Variants in HYDIN observed in about 807,000 individuals in gnomAD.
The protein encoded by HYDIN is HYDIN axonemal central pair apparatus protein.
In HYDIN, 132 loss-of-function variants were observed where a neutral mutation model predicts 403.9. That is an observed-to-expected ratio of 0.33 (90% confidence interval 0.28 to 0.38). The LOEUF (loss-of-function observed/expected upper bound fraction) is 0.38. Among genes scored for constraint, HYDIN ranks in the 10% least tolerant of loss-of-function variants. HYDIN has a pLI of 1.00. For missense variants in HYDIN, 2,827 were observed against 5,009.5 expected, an observed-to-expected ratio of 0.56 and a Z score of 13.15; for synonymous variants, 1,202 against 1,891.7, an observed-to-expected ratio of 0.64 and a Z score of 9.46.
At chr16:71,168,173 GTTGGGCGTGGTGGCAGGT>G (rs2086311861) in intron 5 of HYDIN, among the ~76,000 whole-genome samples, 1 of 149,194 alleles carries the variant, frequency 6.7e-6, no homozygotes, top group African/African-American at 2.4e-5. Flanking sequence ...CAAAAAATTA[GTTGGGCGTGGTGGCAGGT>G]GCCTATAATG....
intron 23 of HYDIN, among the ~76,000 whole-genome samples, chr16:71,007,373 TAG>T (rs1052881474): frequency 6.6e-6 from 1 of 152,118 alleles, no homozygotes; most frequent in African/African-American, 2.4e-5. Flanking sequence ...AATATTCAGG[TAG>T]AGTGTTCAGA....
At chr16:70,882,079 A>G (rs1299495421) in intron 60 of HYDIN, among the ~76,000 whole-genome samples, 2 of 152,240 alleles carry the variant, frequency 1.3e-5, no homozygotes, top group African/African-American at 4.8e-5. Flanking sequence ...GCTTGGCTTT[A>G]AGCCCAGCCC....
At chr16:70,894,307 T>G (rs1356472006) in intron 55 of HYDIN, 142 bp downstream of exon 55, 7 of 921,496 alleles carry the variant, frequency 7.6e-6, no homozygotes, top group Non-Finnish European at 1.1e-5. Context: ...CTGATAAGTT[T>G]CCCAGACACG....
At chr16:71,184,478 A>T (rs563326287) in intron 3 of HYDIN, among the ~76,000 whole-genome samples, 1 of 152,248 alleles carries the variant, frequency 6.6e-6, no homozygotes, top group African/African-American at 2.4e-5. Context: ...TGCCTACTTT[A>T]ATTAACAATT....
intron 23 of HYDIN, among the ~76,000 whole-genome samples, chr16:70,992,483 T>C (rs1426029512): frequency 6.9e-6 from 1 of 144,546 alleles, no homozygotes; most frequent in Non-Finnish European, 1.5e-5. Flanking sequence ...TTCACACTTA[T>C]TTTTACCATC....
chr16:70,966,821 G>T (rs1021167160), intron 36 of HYDIN, among the ~76,000 whole-genome samples: 11 of 151,954 alleles, frequency 7.2e-5, no homozygotes, highest in Admixed American at 3.9e-4. Flanking sequence ...ACCCAGAAGT[G>T]ATTGGAGAAG....
intron 30 of HYDIN, 28 bp downstream of exon 30, chr16:70,978,886 C>T (rs2656785): frequency 7.6e-6 from 12 of 1,587,660 alleles, no homozygotes; most frequent in African/African-American, 4.1e-5. Flanking sequence ...CCTGCACAGG[C>T]GTCCCGTGCA....
chr16:70,826,330 T>C (rs1435717711), intron 83 of HYDIN, among the ~76,000 whole-genome samples: 1 of 150,728 alleles, frequency 6.6e-6, no homozygotes, highest in Non-Finnish European at 1.5e-5. Flanking sequence ...ATCTCCATTA[T>C]AAAGTCCATC....
At chr16:70,981,348 T>A in intron 29 of HYDIN, 43 bp downstream of exon 29, 1 of 1,558,604 alleles carries the variant, frequency 6.4e-7, no homozygotes, top group South Asian at 1.2e-5. Flanking sequence ...CTAAAATGCT[T>A]GTTTTGTCCC....
In HYDIN at chr16:70,807,811, G is replaced by T; in HGVS notation, c.15135C>A (p.Val5045=). 1 of 1,614,210 alleles carries T rather than the reference G, an allele frequency of 6.2e-7. No homozygotes were observed. The highest frequency in any genetic ancestry group is 8.5e-7 in the Non-Finnish European group (1 of 1,180,042). ...GYSIIIPFKN[V]FYHMVTFSII... ...TGGAGAAGGTCACCATGTGATAGAA[G>T]ACATTCTTGAAGGGGATGATTATGC... The change falls in exon 86 of 86, where the codon GTC becomes GTA. Residue 5045 remains valine (V), a synonymous_variant. Transcript: ENST00000393567.
At chr16:70,982,073 A>G (rs1236322063) in intron 28 of HYDIN, among the ~76,000 whole-genome samples, 3 of 149,720 alleles carry the variant, frequency 2.0e-5, no homozygotes, top group African/African-American at 7.4e-5. Flanking sequence ...GCTTGCAGTG[A>G]GCCGAGATCG....
intron 11 of HYDIN, among the ~76,000 whole-genome samples, chr16:71,093,275 C>A (rs1258761149): frequency 1.3e-5 from 2 of 152,164 alleles, no homozygotes; most frequent in Non-Finnish European, 2.9e-5. Flanking sequence ...ATAACTCATG[C>A]ATACATCCTG....
At chr16:70,883,128 A>G (rs1287029674) in intron 59 of HYDIN, among the ~76,000 whole-genome samples, 1 of 152,168 alleles carries the variant, frequency 6.6e-6, no homozygotes, top group Admixed American at 6.5e-5. Context: ...GTAAGATCCA[A>G]GATCTGGGGT....
At chr16:70,874,737 C>A in intron 63 of HYDIN, 80 bp downstream of exon 63, 1 of 1,482,328 alleles carries the variant, frequency 6.7e-7, no homozygotes, top group Middle Eastern at 1.8e-4. Flanking sequence ...GCATTCCCCT[C>A]TGGCTGGGCC....
chr16:70,892,785 T>C (rs2041551213), intron 55 of HYDIN, among the ~76,000 whole-genome samples: 1 of 152,240 alleles, frequency 6.6e-6, no homozygotes, highest in African/African-American at 2.4e-5. Context: ...AGGAGATCTC[T>C]GTCCAACAGG....
rs2035054628 is a variant in HYDIN, at chr16:70,805,123, A to G, written c.*2457T>C. The stretch of plus-strand genomic sequence containing the variant: ...ATACCTCTGGTGAATAGGTGGAAGG[A>G]GGCACATTTTGGGGAGGGTTAATTT... On this transcript the variant is annotated 3_prime_UTR_variant, in exon 86 of 86. Transcript: ENST00000393567. 6.6e-6 allele frequency among the ~76,000 whole-genome samples: 1 copy of G among 152,218 alleles called. No homozygotes were observed. Among genetic ancestry groups the G allele is most frequent in the African/African-American group, 2.4e-5 (1 of 41,448 alleles).
At position 71,067,256 on chromosome 16, in the gene HYDIN, C is replaced by T. The variant is rs371599741; in HGVS notation, c.2075+34G>A. On this transcript the variant is annotated intron_variant, in intron 15 of 85. Coordinates refer to ENST00000393567, the MANE Select transcript of HYDIN (RefSeq NM_001270974.2). ...CAGCCCATTACTGGAGGCTCGGGGG[C>T]GACTCAGGAGAAGAGCAAGCTGGGG... is the stretch of plus-strand genomic sequence containing the variant. 3.9e-5 allele frequency: 54 copies of T among 1,389,844 alleles called. No homozygotes were observed. Among genetic ancestry groups the T allele is most frequent in the Middle Eastern group, 4.0e-4 (2 of 5,048 alleles). 86.1% of individuals were successfully genotyped at this position (1,389,844 alleles called of 1,614,324 possible).
chr16:71,210,631 C>A (rs1170533442), intron 1 of HYDIN, among the ~76,000 whole-genome samples: 1 of 151,888 alleles, frequency 6.6e-6, no homozygotes, highest in Non-Finnish European at 1.5e-5. Context: ...TATAACAAGC[C>A]ACACATGTAC....
chr16:71,040,055 T>C (rs2081233944), intron 18 of HYDIN, among the ~76,000 whole-genome samples: 1 of 151,680 alleles, frequency 6.6e-6, no homozygotes, highest in African/African-American at 2.4e-5. Flanking sequence ...TGCATGTAGT[T>C]TGCTCCTGCT....
Sources: allele counts gnomAD v4.1 joint callset (sites outside exome capture counted in the v4.1 genomes callset), GRCh38; gene constraint gnomAD v4.1.1; transcripts MANE v1.5; gene names NCBI Gene and HGNC (gene_info 2026-07-23, HGNC 2026-07-21).